Variants in CNTN5 observed in about 807,000 individuals in gnomAD.
The protein encoded by CNTN5 is contactin-5.
A neutral mutation model predicts 129.1 loss-of-function variants in CNTN5; 77 were observed. That is an observed-to-expected ratio of 0.60 (90% confidence interval 0.50 to 0.72). The LOEUF (loss-of-function observed/expected upper bound fraction) is 0.72. Among genes scored for constraint, CNTN5 ranks in the 30% least tolerant of loss-of-function variants. The probability of loss-of-function intolerance (pLI) is 0.00; values close to 1 mark genes in which losing one functional copy is unlikely to be tolerated. For synonymous variants in CNTN5, 509 were observed against 465.6 expected, an observed-to-expected ratio of 1.09 and a Z score of -1.20; for missense variants, 1,478 against 1,328.8, an observed-to-expected ratio of 1.11 and a Z score of -1.75.
chr11:99,711,850 C>A (rs1040653181), intron 3 of CNTN5, among the ~76,000 whole-genome samples: 2 of 151,910 alleles, frequency 1.3e-5, no homozygotes, highest in African/African-American at 4.8e-5. Context: ...CATGTTGTGT[C>A]TGTGCCACAT....
At chr11:99,086,203 A>T (rs1865999337) in intron 1 of CNTN5, among the ~76,000 whole-genome samples, 1 of 152,204 alleles carries the variant, frequency 6.6e-6, no homozygotes, top group Non-Finnish European at 1.5e-5. Flanking sequence ...CTCTCCCAGC[A>T]GCTCCCAAAT....
intron 13 of CNTN5, among the ~76,000 whole-genome samples, chr11:100,100,079 G>T (rs1945166694): frequency 1.3e-5 from 2 of 151,974 alleles, no homozygotes; most frequent in Non-Finnish European, 1.5e-5. Flanking sequence ...TATAATTCCT[G>T]CCCTAAGCAA....
intron 2 of CNTN5, among the ~76,000 whole-genome samples, chr11:99,387,751 C>A (rs1203525045): frequency 6.6e-6 from 1 of 152,110 alleles, no homozygotes; most frequent in Non-Finnish European, 1.5e-5. Flanking sequence ...TCTCTTTGAC[C>A]TTATGCTGGG....
chr11:99,564,247 A>G (rs1399729057), intron 3 of CNTN5, among the ~76,000 whole-genome samples: 1 of 152,060 alleles, frequency 6.6e-6, no homozygotes, highest in Non-Finnish European at 1.5e-5. Context: ...ACATCAGGGT[A>G]ATTTTTTTAT....
chr11:99,861,939 G>C (rs953367307), intron 6 of CNTN5, among the ~76,000 whole-genome samples: 1 of 152,098 alleles, frequency 6.6e-6, no homozygotes, highest in Non-Finnish European at 1.5e-5. Context: ...TAATTTCACA[G>C]TTAAAGTTTA....
intron 16 of CNTN5, among the ~76,000 whole-genome samples, chr11:100,253,820 C>A (rs1188995709): frequency 6.6e-6 from 1 of 152,144 alleles, no homozygotes; most frequent in Non-Finnish European, 1.5e-5. Context: ...TAATAATATT[C>A]TCAACTTTGC....
chr11:99,438,631 C>T (rs1190353840), intron 2 of CNTN5, among the ~76,000 whole-genome samples: 22 of 152,020 alleles, frequency 1.4e-4, no homozygotes, highest in Non-Finnish European at 1.5e-5. Context: ...GTTAGCAAAA[C>T]ATAAAAATTA....
At chr11:99,524,071 C>T (rs1947393067) in intron 2 of CNTN5, among the ~76,000 whole-genome samples, 1 of 151,886 alleles carries the variant, frequency 6.6e-6, no homozygotes, top group African/African-American at 2.4e-5. Flanking sequence ...TAAATAAATA[C>T]CTATAAAAGT....
chr11:99,180,879 C>T (rs1858021191), intron 1 of CNTN5, among the ~76,000 whole-genome samples: 1 of 152,180 alleles, frequency 6.6e-6, no homozygotes, highest in Non-Finnish European at 1.5e-5. Context: ...ACATAAGATT[C>T]AATATGCAGT....
chr11:100,060,126 C>T (rs1943402133), intron 9 of CNTN5, among the ~76,000 whole-genome samples: 1 of 151,506 alleles, frequency 6.6e-6, no homozygotes, highest in Admixed American at 6.6e-5. Flanking sequence ...AGGAGAATTG[C>T]TTCCGAGAGG....
chr11:99,446,134 A>T (rs1419955373), intron 2 of CNTN5, among the ~76,000 whole-genome samples: 2 of 148,964 alleles, frequency 1.3e-5, no homozygotes, highest in East Asian at 2.0e-4. Flanking sequence ...TAGAATCCTC[A>T]TCCTCATGTT....
intron 1 of CNTN5, among the ~76,000 whole-genome samples, chr11:99,240,844 T>A (rs1181383842): frequency 1.3e-5 from 2 of 152,210 alleles, no homozygotes; most frequent in Non-Finnish European, 2.9e-5. Flanking sequence ...ATTTCTTTCA[T>A]GATAGCGTCT....
At chr11:99,412,836 T>C (rs1170286019) in intron 2 of CNTN5, among the ~76,000 whole-genome samples, 1 of 152,204 alleles carries the variant, frequency 6.6e-6, no homozygotes, top group Non-Finnish European at 1.5e-5. Flanking sequence ...TGTTGCCCTT[T>C]TCTGTAGATG....
chr11:100,315,858 G>A (rs1189987477), intron 21 of CNTN5, among the ~76,000 whole-genome samples: 2 of 152,162 alleles, frequency 1.3e-5, no homozygotes, highest in Non-Finnish European at 2.9e-5. Flanking sequence ...AATGTAGAAA[G>A]CACTGACACT....
intron 3 of CNTN5, among the ~76,000 whole-genome samples, chr11:99,698,811 C>G (rs1954387015): frequency 6.6e-6 from 1 of 150,822 alleles, no homozygotes; most frequent in Non-Finnish European, 1.5e-5. Context: ...TAATCACAAT[C>G]ATGAAAGTAT....
chr11:99,958,291 C>G (rs891109327), intron 8 of CNTN5, among the ~76,000 whole-genome samples: 2 of 152,122 alleles, frequency 1.3e-5, no homozygotes, highest in Non-Finnish European at 2.9e-5. Context: ...GTAGGATTAC[C>G]AGCATTTGAT....
At chr11:100,020,638 T>A (rs1299682292) in intron 9 of CNTN5, among the ~76,000 whole-genome samples, 1 of 152,118 alleles carries the variant, frequency 6.6e-6, no homozygotes. Flanking sequence ...ATATGAATTA[T>A]CTCTGTTTGC....
rs191910295 is a variant in CNTN5, at chr11:99,112,406, C to T, written c.-210+91136C>T. Among the ~76,000 whole-genome samples the T allele has an allele frequency of 3.6e-3, 548 of 151,984 alleles. 4 individuals are homozygous for T. The highest frequency in any genetic ancestry group is 0.013 in the African/African-American group (523 of 41,488). ...TTTGCCATAAATAGAAAAGGCAGGACATTAATCTTATAAATGATTACTCTA... is the reference window on the plus strand; with the variant it reads ...TTTGCCATAAATAGAAAAGGCAGGATATTAATCTTATAAATGATTACTCTA... On this transcript the variant is annotated intron_variant, in intron 1 of 24. Coordinates refer to ENST00000524871, the MANE Select transcript of CNTN5 (RefSeq NM_014361.4).
Position 99,924,642 on chromosome 11 carries a change from A to G in CNTN5, c.673+8493A>G, listed in dbSNP as rs536721145. ...GTTTTGGTTACTGTAGCCTTGTAGT[A>G]TAGTTTGAAGTGGTTATCATGCTTT... On this transcript the variant is annotated intron_variant, in intron 7 of 24. Coordinates refer to ENST00000524871, the MANE Select transcript of CNTN5 (RefSeq NM_014361.4). Among the ~76,000 whole-genome samples the G allele has an allele frequency of 3.3e-3, 509 of 152,100 alleles. 2 individuals are homozygous for G. The highest frequency in any genetic ancestry group is 6.1e-3 in the Non-Finnish European group (416 of 68,000).
Sources: allele counts gnomAD v4.1 joint callset (sites outside exome capture counted in the v4.1 genomes callset), GRCh38; gene constraint gnomAD v4.1.1; transcripts MANE v1.5; gene names NCBI Gene and HGNC (gene_info 2026-07-23, HGNC 2026-07-21).